Variants in POU2F3 observed in about 807,000 individuals in gnomAD.
POU2F3 encodes POU domain, class 2, transcription factor 3.
Under a neutral mutation model 59.2 loss-of-function variants are expected in POU2F3, and 23 were observed. That is an observed-to-expected ratio of 0.39 (90% CI 0.28 to 0.55). The LOEUF (loss-of-function observed/expected upper bound fraction) is 0.55, where lower values mean the gene tolerates loss of function less well. POU2F3 is among the 20% of genes least tolerant of loss of function. POU2F3 has a pLI of 0.66. For synonymous variants in POU2F3, 190 were observed against 214.6 expected (o/e 0.89, Z 1.00); for missense variants, 473 against 544.5 (o/e 0.87, Z 1.31).
chr11:120,311,863 G>A (rs1941657412), intron 10 of POU2F3, among the ~76,000 whole-genome samples: 1 of 152,176 alleles, frequency 6.6e-6, no homozygotes, highest in South Asian at 2.1e-4. Flanking sequence ...ATGGGCAAAG[G>A]AAGAGTATCA....
At chr11:120,309,708 A>G (rs1941603654) in intron 10 of POU2F3, 122 bp downstream of exon 10, 2 of 1,166,590 alleles carry the variant, frequency 1.7e-6, no homozygotes, top group Admixed American at 4.8e-5. Flanking sequence ...GAGATGCTGT[A>G]TAGAATATAG....
At chr11:120,269,300 T>C in intron 3 of POU2F3, 56 bp downstream of exon 3, 1 of 1,379,772 alleles carries the variant, frequency 7.2e-7, no homozygotes. Flanking sequence ...GCATCACCTA[T>C]ACTGTCTGGT....
At chr11:120,306,126 G>A (rs1941479858) in intron 8 of POU2F3, among the ~76,000 whole-genome samples, 1 of 152,186 alleles carries the variant, frequency 6.6e-6, no homozygotes, top group African/African-American at 2.4e-5. Context: ...GCAGATTGCT[G>A]TCTGGAATAA....
At chr11:120,245,513 A>G (rs1233837920) in intron 1 of POU2F3, among the ~76,000 whole-genome samples, 1 of 152,096 alleles carries the variant, frequency 6.6e-6, no homozygotes, top group Non-Finnish European at 1.5e-5. Context: ...ATTTGAATAA[A>G]TATTCTTCTG....
chr11:120,290,652 A>T (rs1222736331), intron 3 of POU2F3, among the ~76,000 whole-genome samples: 1 of 152,240 alleles, frequency 6.6e-6, no homozygotes, highest in African/African-American at 2.4e-5. Context: ...TGGTAAGATT[A>T]CTTCCCTCAT....
intron 3 of POU2F3, among the ~76,000 whole-genome samples, chr11:120,281,132 C>T (rs567858104): frequency 6.6e-6 from 1 of 152,236 alleles, no homozygotes; most frequent in African/African-American, 2.4e-5. Flanking sequence ...CCTAGTCTGA[C>T]CCTTAAGCGG....
chr11:120,284,771 G>A (rs774515026), intron 3 of POU2F3, among the ~76,000 whole-genome samples: 1 of 152,124 alleles, frequency 6.6e-6, no homozygotes, highest in Non-Finnish European at 1.5e-5. Context: ...AGATAAATTT[G>A]TGTTGAGCCT....
intron 5 of POU2F3, chr11:120,300,821 T>C (rs1941329409): frequency 6.2e-6 from 2 of 321,082 alleles, no homozygotes; most frequent in Admixed American, 4.2e-5. Context: ...AAATCCCAAG[T>C]AGAGGTTTTG....
intron 3 of POU2F3, among the ~76,000 whole-genome samples, chr11:120,270,159 G>C (rs1253987083): frequency 1.3e-5 from 2 of 152,178 alleles, no homozygotes; most frequent in African/African-American, 4.8e-5. Context: ...TTTGGTCTGA[G>C]TTTTCTCAAC....
intron 3 of POU2F3, among the ~76,000 whole-genome samples, chr11:120,280,887 T>G (rs1249873085): frequency 6.6e-6 from 1 of 152,048 alleles, no homozygotes; most frequent in East Asian, 1.9e-4. Flanking sequence ...CAAAGAGGGT[T>G]CCCCTGGCCC....
At chr11:120,243,038 G>C (rs998641317) in intron 1 of POU2F3, among the ~76,000 whole-genome samples, 4 of 152,226 alleles carry the variant, frequency 2.6e-5, no homozygotes, top group Non-Finnish European at 5.9e-5. Context: ...GGTTGGGAAA[G>C]GGGGGCTGAG....
chr11:120,296,947 C>T lies in POU2F3; in HGVS notation c.133-1318C>T, dbSNP rs188110280. 5.8e-4 allele frequency among the ~76,000 whole-genome samples: 88 copies of T among 152,282 alleles called. 1 individual carries two copies. The highest frequency in any genetic ancestry group is 2.1e-3 in the African/African-American group (86 of 41,556). The stretch of plus-strand genomic sequence containing the variant: ...CATTTTTTTCCGCAAGAATTAAGCA[C>T]AAGTTTAGCTGTTAGTCTGAACTTT... On this transcript the variant is annotated intron_variant, in intron 3 of 12. Coordinates refer to ENST00000543440, the MANE Select transcript of POU2F3 (RefSeq NM_014352.4).
At chr11:120,261,160 T>TTG (rs10579812) in intron 2 of POU2F3, 3,277 of 139,056 alleles carry the variant, frequency 0.024, 90 homozygotes, top group African/African-American at 0.064. Context: ...TTTTGTTGTT[T>TTG]TGTGTGTGTG....
chr11:120,290,417 A>C (rs1474143263), intron 3 of POU2F3, among the ~76,000 whole-genome samples: 1 of 152,220 alleles, frequency 6.6e-6, no homozygotes, highest in Non-Finnish European at 1.5e-5. Context: ...TGTAGTACAC[A>C]GAAGAGGCTG....
upstream of POU2F3, among the ~76,000 whole-genome samples, chr11:120,238,618 C>T (rs1346798607): frequency 6.6e-6 from 1 of 151,816 alleles, no homozygotes; most frequent in Non-Finnish European, 1.5e-5. Flanking sequence ...GGGTGGATCA[C>T]GAGGTCAGGA....
At chr11:120,301,362 C>T (rs901126523) in intron 5 of POU2F3, 8 of 243,950 alleles carry the variant, frequency 3.3e-5, no homozygotes, top group Non-Finnish European at 6.5e-5. Flanking sequence ...CCTCTCAACT[C>T]CCAGTTCTGG....
chr11:120,260,735 A>C (rs910376174), intron 2 of POU2F3, among the ~76,000 whole-genome samples: 2 of 152,078 alleles, frequency 1.3e-5, no homozygotes, highest in Non-Finnish European at 2.9e-5. Context: ...TTGGGGGGTT[A>C]AGTTGGGTCT....
upstream of POU2F3, chr11:120,236,799 A>G (rs568574237): frequency 8.7e-6 from 11 of 1,269,596 alleles, no homozygotes; most frequent in Non-Finnish European, 1.2e-5. Flanking sequence ...ATTGCTCACC[A>G]TTCCCCCTCA....
chr11:120,307,982 C>A (rs1004956904), intron 9 of POU2F3, among the ~76,000 whole-genome samples: 16 of 152,152 alleles, frequency 1.1e-4, no homozygotes, highest in African/African-American at 3.9e-4. Flanking sequence ...TCTCTATTTT[C>A]TATGCAGTAC....
Sources: allele counts gnomAD v4.1 joint callset (sites outside exome capture counted in the v4.1 genomes callset), GRCh38; gene constraint gnomAD v4.1.1; transcripts MANE v1.5; gene names NCBI Gene and HGNC (gene_info 2026-07-23, HGNC 2026-07-21).